The following PDE1A variants were observed in gnomAD, a reference collection of about 807,000 sequenced individuals.
The protein encoded by PDE1A is phosphodiesterase 1A, also known as dual specificity calcium/calmodulin-dependent 3',5'-cyclic nucleotide phosphodiesterase 1A.
In PDE1A, 35 loss-of-function variants were observed where a neutral mutation model predicts 61.7. That is an observed-to-expected ratio of 0.57 (90% CI 0.43 to 0.75). The LOEUF (loss-of-function observed/expected upper bound fraction) is 0.75. Ranked by LOEUF, PDE1A falls within the 30% of genes least tolerant of loss-of-function variation. The pLI, the probability that PDE1A is intolerant of heterozygous loss-of-function variation, is 0.00. For synonymous variants in PDE1A, 232 were observed against 213.2 expected, an observed-to-expected ratio of 1.09 and a Z score of -0.77; for missense variants, 597 against 630.6, an observed-to-expected ratio of 0.95 and a Z score of 0.57.
At chr2:182,432,728 A>G in intron 2 of PDE1A, among the ~76,000 whole-genome samples, 1 of 152,000 alleles carries the variant, frequency 6.6e-6, no homozygotes, top group East Asian at 1.9e-4. Context: ...TCAAGGAGAC[A>G]CCTGAGTTTA....
chr2:182,588,499 A>C, the PDE1A span, among the ~76,000 whole-genome samples: 1 of 152,312 alleles, frequency 6.6e-6, no homozygotes, highest in African/African-American at 2.4e-5. Context: ...CTTCTGTCTA[A>C]ATTTTCTCAG....
At chr2:182,563,674 T>G in the PDE1A span, among the ~76,000 whole-genome samples, 44 of 152,174 alleles carry the variant, frequency 2.9e-4, no homozygotes, top group Non-Finnish European at 5.6e-4. Context: ...TCTCCCATTA[T>G]TATTGTGTGG....
At chr2:182,462,167 AGC>A (rs2125769288) in intron 2 of PDE1A, among the ~76,000 whole-genome samples, 1 of 150,918 alleles carries the variant, frequency 6.6e-6, no homozygotes, top group East Asian at 2.0e-4. Context: ...GGGTGGGGGG[AGC>A]GGGGAGGGAA....
At chr2:182,371,888 G>C (rs1055445632) in intron 1 of PDE1A, among the ~76,000 whole-genome samples, 3 of 152,150 alleles carry the variant, frequency 2.0e-5, no homozygotes, top group African/African-American at 7.2e-5. Context: ...GGGCTCAAGG[G>C]ATCCTCCGAC....
At chr2:182,207,119 G>C (rs975286066) in intron 7 of PDE1A, among the ~76,000 whole-genome samples, 1 of 152,126 alleles carries the variant, frequency 6.6e-6, no homozygotes, top group African/African-American at 2.4e-5. Flanking sequence ...CTGGGTAATG[G>C]GCAGAGGTTG....
rs1470793483 is a variant in PDE1A at position 182,180,761 on chromosome 2, T to C, written c.1516+5131A>G. The stretch of plus-strand genomic sequence containing the variant: ...TTCAGTATCTTCACATAGTCCCACA[T>C]TTCTCGGAGGTTTTGTTCATTCCTT... On this transcript the variant is annotated intron_variant, in intron 13 of 13. Transcript: ENST00000351439. Among the ~76,000 whole-genome samples the C allele has an allele frequency of 2.0e-5, 3 of 152,044 alleles. No individual in the cohort carries two copies. In the East Asian group the frequency reaches 5.8e-4, roughly 29 times the overall value.
chr2:182,182,576 C>A (rs369132379), intron 13 of PDE1A, among the ~76,000 whole-genome samples: 25 of 152,208 alleles, frequency 1.6e-4, no homozygotes, highest in African/African-American at 6.0e-4. Flanking sequence ...CAGTTCAGAT[C>A]AATCAACATT....
At chr2:182,264,216 T>C (rs1692436040) in intron 2 of PDE1A, 85 bp downstream of exon 2, 1 of 838,986 alleles carries the variant, frequency 1.2e-6, no homozygotes, top group Non-Finnish European at 1.9e-6. Context: ...GCTAAATTCC[T>C]GTTTGAGATA....
chr2:182,508,432 CA>C lies in PDE1A; in HGVS notation c.101+13843del, dbSNP rs567525345. Among the ~76,000 whole-genome samples, 998 of 142,218 alleles carry C rather than the reference CA, an allele frequency of 7.0e-3. 7 individuals carry two copies. Among genetic ancestry groups the C allele is most frequent in the African/African-American group, 0.023 (872 of 38,700 alleles). The allele number at this position is 142,218 out of a possible 152,430, so 93.3% of individuals were successfully genotyped here. A position where few individuals can be genotyped will look rare whatever the true frequency, so the allele number is the denominator to read the frequency against. ...AAATAAAAGATATTCATGTGAAAAA[CA>C]AAAAAAAAAGGTAAAAGTGGTTTAC... On this transcript the variant is annotated intron_variant, in intron 2 of 14. Coordinates refer to the PDE1A transcript ENST00000410103.
intron 1 of PDE1A, among the ~76,000 whole-genome samples, chr2:182,367,446 C>T (rs538659371): frequency 3.9e-4 from 59 of 151,952 alleles, no homozygotes; most frequent in Middle Eastern, 6.8e-3. Flanking sequence ...GCATTAAAAA[C>T]TTAAAACCTG....
intron 2 of PDE1A, among the ~76,000 whole-genome samples, chr2:182,455,927 A>G (rs967005871): frequency 2.5e-5 from 1 of 40,682 alleles, no homozygotes; most frequent in African/African-American, 1.2e-4. Context: ...AGGTTAAGAG[A>G]AAAAAAAAAC....
intron 1 of PDE1A, among the ~76,000 whole-genome samples, chr2:182,370,966 C>G (rs1489417843): frequency 6.6e-6 from 1 of 152,048 alleles, no homozygotes. Context: ...TAAAGTCTTA[C>G]CACAAGATAC....
chr2:182,234,335 G>C, intron 4 of PDE1A, 97 bp downstream of exon 4: 1 of 760,492 alleles, frequency 1.3e-6, no homozygotes, highest in East Asian at 2.6e-5. Flanking sequence ...CTAAGATGTA[G>C]GCTGCAGTAA....
At chr2:182,423,298 T>A (rs180689361) in intron 1 of PDE1A, among the ~76,000 whole-genome samples, 1,954 of 152,286 alleles carry the variant, frequency 0.013, 27 homozygotes, top group South Asian at 0.049. Context: ...GGAAATTTTT[T>A]AAAAAATAGA....
the PDE1A span, among the ~76,000 whole-genome samples, chr2:182,635,368 T>C: frequency 2.0e-5 from 3 of 152,060 alleles, no homozygotes; most frequent in Non-Finnish European, 4.4e-5. Context: ...ATTAATACTA[T>C]ATATTGATGT....
At chr2:182,714,145 T>C in the PDE1A span, among the ~76,000 whole-genome samples, 1 of 152,238 alleles carries the variant, frequency 6.6e-6, no homozygotes, top group African/African-American at 2.4e-5. Context: ...TCAAAAAATA[T>C]TTATGTAGTA....
At chr2:182,538,942 T>C in the PDE1A span, among the ~76,000 whole-genome samples, 2 of 152,228 alleles carry the variant, frequency 1.3e-5, no homozygotes, top group African/African-American at 2.4e-5. Flanking sequence ...CCTAAGATTA[T>C]GTCAAAATCA....
chr2:182,423,141 C>T (rs1345285241), intron 1 of PDE1A, among the ~76,000 whole-genome samples: 1 of 152,154 alleles, frequency 6.6e-6, no homozygotes, highest in Non-Finnish European at 1.5e-5. Flanking sequence ...AATATAAACT[C>T]CTGCCTTGGC....
At chr2:182,443,026 C>T (rs988138553) in intron 2 of PDE1A, among the ~76,000 whole-genome samples, 1 of 151,756 alleles carries the variant, frequency 6.6e-6, no homozygotes, top group African/African-American at 2.4e-5. Context: ...CAAAATATTC[C>T]CCCTTCACCC....
Sources: allele counts gnomAD v4.1 joint callset (sites outside exome capture counted in the v4.1 genomes callset), GRCh38; gene constraint gnomAD v4.1.1; transcripts MANE v1.5; gene names NCBI Gene and HGNC (gene_info 2026-07-23, HGNC 2026-07-21).